Variants in HIPK2 observed in about 807,000 individuals in gnomAD.
The protein encoded by HIPK2 is homeodomain interacting protein kinase 2.
A neutral mutation model predicts 113.7 loss-of-function variants in HIPK2; 27 were observed. That is an observed-to-expected ratio of 0.24 (90% confidence interval 0.17 to 0.33). The LOEUF (loss-of-function observed/expected upper bound fraction) is 0.33. Among genes scored for constraint, HIPK2 ranks in the 10% least tolerant of loss-of-function variants. The pLI, the probability that HIPK2 is intolerant of heterozygous loss-of-function variation, is 1.00. For missense variants in HIPK2, 1,257 were observed against 1,588.0 expected (o/e 0.79, Z 3.54); for synonymous variants, 631 against 642.2 (o/e 0.98, Z 0.26).
At chr7:139,766,580 G>A (rs56079671) in intron 1 of HIPK2, among the ~76,000 whole-genome samples, 17,171 of 152,176 alleles carry the variant, frequency 0.11, 1,166 homozygotes, top group Non-Finnish European at 0.16. Context: ...CCTTCTTACC[G>A]GAGTCAGTCT....
At chr7:139,650,349 CAAAAAAA>C (rs35368461) in intron 2 of HIPK2, among the ~76,000 whole-genome samples, 1 of 100,218 alleles carries the variant, frequency 1.0e-5, no homozygotes. Flanking sequence ...GACTCCATCT[CAAAAAAA>C]AAAAAAAAAA....
chr7:139,610,443 G>T (rs1291475001), intron 9 of HIPK2, among the ~76,000 whole-genome samples: 2 of 152,262 alleles, frequency 1.3e-5, no homozygotes, highest in East Asian at 3.9e-4. Flanking sequence ...ATCTATCTTG[G>T]CCTTTTCTGA....
chr7:139,689,785 CTG>C lies in HIPK2; in HGVS notation c.1103+26145_1103+26146del, dbSNP rs201769558. Among the ~76,000 whole-genome samples, 1,341 of 152,250 alleles carry C rather than the reference CTG, an allele frequency of 8.8e-3. 6 individuals are homozygous for C. The highest frequency in any genetic ancestry group is 0.014 in the South Asian group (66 of 4,828). On this transcript the variant is annotated intron_variant, in intron 2 of 14. Coordinates refer to ENST00000406875, the MANE Select transcript of HIPK2 (RefSeq NM_022740.5). Reference sequence around the variant, plus strand: ...TTGCTTGAAGAGGAGCCAGGACTAACTGGGGTCTGGAGACTTCTAACTCCAAA... The same window carrying C: ...TTGCTTGAAGAGGAGCCAGGACTAACGGGTCTGGAGACTTCTAACTCCAAA...
At chr7:139,732,400 C>G (rs1795816267) in intron 1 of HIPK2, among the ~76,000 whole-genome samples, 1 of 152,222 alleles carries the variant, frequency 6.6e-6, no homozygotes, top group Admixed American at 6.5e-5. Flanking sequence ...ACACCCAGTG[C>G]TGGGAGGAGG....
At chr7:139,674,790 G>T (rs1215881937) in intron 2 of HIPK2, among the ~76,000 whole-genome samples, 2 of 152,160 alleles carry the variant, frequency 1.3e-5, no homozygotes, top group East Asian at 3.8e-4. Flanking sequence ...GTAAAGCCTG[G>T]TTTATATTTC....
At chr7:139,574,779 C>T (rs1263689466) in intron 14 of HIPK2, among the ~76,000 whole-genome samples, 2 of 152,234 alleles carry the variant, frequency 1.3e-5, no homozygotes, top group Non-Finnish European at 2.9e-5. Flanking sequence ...CCTGATGTCC[C>T]AGGCCGACAG....
At chr7:139,600,283 G>T in intron 11 of HIPK2, 134 bp downstream of exon 11, 2 of 1,036,840 alleles carry the variant, frequency 1.9e-6, no homozygotes, top group Non-Finnish European at 2.7e-6. Flanking sequence ...GCTAGTCACT[G>T]CAGGAAGAGG....
At chr7:139,699,054 C>T (rs1794635544) in intron 2 of HIPK2, among the ~76,000 whole-genome samples, 1 of 152,060 alleles carries the variant, frequency 6.6e-6, no homozygotes, top group African/African-American at 2.4e-5. Context: ...GCACACAGCA[C>T]CACAGCTGCC....
At chr7:139,706,420 G>T (rs1444907059) in intron 2 of HIPK2, among the ~76,000 whole-genome samples, 1 of 152,148 alleles carries the variant, frequency 6.6e-6, no homozygotes, top group Non-Finnish European at 1.5e-5. Flanking sequence ...GTTTCCGGTG[G>T]GTGACGAGAT....
intron 1 of HIPK2, among the ~76,000 whole-genome samples, chr7:139,755,420 T>C (rs1016899703): frequency 2.6e-5 from 4 of 152,174 alleles, no homozygotes; most frequent in Non-Finnish European, 5.9e-5. Flanking sequence ...TTGGTTTCTG[T>C]CCCTTGAAGC....
rs1433765682 is a variant in HIPK2, at chr7:139,562,178, T to C, written c.*10749A>G. ...TAGGAAAAAGAGGTACACGAGAAAATACTGTTGCACGCAATAATTTTCACA... is the reference window on the plus strand; with the variant it reads ...TAGGAAAAAGAGGTACACGAGAAAACACTGTTGCACGCAATAATTTTCACA... On this transcript the variant is annotated 3_prime_UTR_variant, in exon 15 of 15. Coordinates refer to ENST00000406875, the MANE Select transcript of HIPK2 (RefSeq NM_022740.5). 6.6e-6 allele frequency: 1 copy of C among 151,982 alleles called. No homozygotes were observed. Among genetic ancestry groups the C allele is most frequent in the African/African-American group, 2.4e-5 (1 of 41,360 alleles). The allele number at this position is 151,982 out of a possible 1,614,324, so 9.4% of individuals were successfully genotyped here. A position where few individuals can be genotyped will look rare whatever the true frequency, so the allele number is the denominator to read the frequency against.
rs1461035798 is a variant in HIPK2, at chr7:139,704,089, C to T, written c.1103+11843G>A. Among the ~76,000 whole-genome samples, 1,028 of 122,086 alleles carry T rather than the reference C, an allele frequency of 8.4e-3. 79 individuals carry two copies. Among genetic ancestry groups the T allele is most frequent in the African/African-American group, 0.031 (959 of 30,552 alleles). 80.1% of individuals were successfully genotyped at this position (122,086 alleles called of 152,430 possible). On this transcript the variant is annotated intron_variant, in intron 2 of 14. Transcript: ENST00000406875. Reference sequence around the variant, plus strand: ...CCAACACATGCACCCCCTCCACACCCGCTATACCCAACATACACACCCAAC... The same window carrying T: ...CCAACACATGCACCCCCTCCACACCTGCTATACCCAACATACACACCCAAC...
At chr7:139,581,731 G>A (rs1469559888) in intron 13 of HIPK2, among the ~76,000 whole-genome samples, 1 of 152,172 alleles carries the variant, frequency 6.6e-6, no homozygotes, top group African/African-American at 2.4e-5. Flanking sequence ...TCCAAGCCTA[G>A]GTGGGTTCTA....
At chr7:139,603,975 A>G in intron 10 of HIPK2, 106 bp downstream of exon 10, 1 of 1,481,968 alleles carries the variant, frequency 6.7e-7, no homozygotes, top group Non-Finnish European at 9.3e-7. Flanking sequence ...AGCTCTCTAC[A>G]AACCGGGGAA....
chr7:139,637,357 C>T (rs966335808), intron 2 of HIPK2, among the ~76,000 whole-genome samples: 1 of 152,250 alleles, frequency 6.6e-6, no homozygotes, highest in African/African-American at 2.4e-5. Context: ...CCCACCTCTC[C>T]ACCATCACTG....
chr7:139,664,356 G>A (rs1368784587), intron 2 of HIPK2, among the ~76,000 whole-genome samples: 1 of 152,130 alleles, frequency 6.6e-6, no homozygotes, highest in African/African-American at 2.4e-5. Flanking sequence ...TGACCAACAC[G>A]GCAAAACCCC....
At chr7:139,652,627 T>C (rs944063400) in intron 2 of HIPK2, among the ~76,000 whole-genome samples, 3 of 152,190 alleles carry the variant, frequency 2.0e-5, no homozygotes, top group Non-Finnish European at 4.4e-5. Context: ...GGGCACTAAT[T>C]AGAGAGTGAA....
At chr7:139,715,836 A>T (rs1795216390) in intron 2 of HIPK2, 96 bp downstream of exon 2, 1 of 1,485,298 alleles carries the variant, frequency 6.7e-7, no homozygotes, top group Non-Finnish European at 9.1e-7. Flanking sequence ...AACTGTAGAC[A>T]TATAATTTTA....
chr7:139,695,453 C>G (rs902285374), intron 2 of HIPK2, among the ~76,000 whole-genome samples: 2 of 152,162 alleles, frequency 1.3e-5, no homozygotes, highest in Admixed American at 1.3e-4. Flanking sequence ...GGGCTGAGAA[C>G]GCCAACCTGA....
Sources: allele counts gnomAD v4.1 joint callset (sites outside exome capture counted in the v4.1 genomes callset), GRCh38; gene constraint gnomAD v4.1.1; transcripts MANE v1.5; gene names NCBI Gene and HGNC (gene_info 2026-07-23, HGNC 2026-07-21).